Variants in ITGA11 observed in about 807,000 individuals in gnomAD.
ITGA11 encodes the protein integrin subunit alpha 11, also known as integrin alpha-11.
In ITGA11, 97 loss-of-function variants were observed where a neutral mutation model predicts 141.9. The observed-to-expected ratio is 0.68, with a 90% confidence interval of 0.58 to 0.81. The LOEUF (loss-of-function observed/expected upper bound fraction) is 0.81, where lower values mean the gene tolerates loss of function less well. ITGA11 is among the 30% of genes least tolerant of loss of function. The probability of loss-of-function intolerance (pLI) is 0.00; values close to 1 mark genes in which losing one functional copy is unlikely to be tolerated. For missense variants in ITGA11, 1,387 were observed against 1,559.2 expected, an observed-to-expected ratio of 0.89 and a Z score of 1.86; for synonymous variants, 658 against 624.6, an observed-to-expected ratio of 1.05 and a Z score of -0.80.
In ITGA11 at chr15:68,306,185, G is replaced by A. The variant is rs1200349553; in HGVS notation, c.3381+1163C>T. ...AGCCTGGGTGACAGAGCAAGACTCCGTCTCAAAAAAAAAAAAAAGGGAGTG... is the reference window on the plus strand; with the variant it reads ...AGCCTGGGTGACAGAGCAAGACTCCATCTCAAAAAAAAAAAAAAGGGAGTG... On this transcript the variant is annotated intron_variant, in intron 28 of 29. Coordinates refer to ENST00000315757, the MANE Select transcript of ITGA11 (RefSeq NM_001004439.2). 2.8e-5 allele frequency among the ~76,000 whole-genome samples: 4 copies of A among 142,486 alleles called. No individual in the cohort carries two copies. The South Asian group carries it at 6.7e-4, about 24-fold the overall frequency. 93.5% of individuals were successfully genotyped at this position (142,486 alleles called of 152,430 possible). A position where few individuals can be genotyped will look rare whatever the true frequency, so the allele number is the denominator to read the frequency against.
rs1304560830 is a variant in ITGA11, at chr15:68,326,531, C to G, written c.2211+123G>C. 9.2e-7 allele frequency: 1 copy of G among 1,086,186 alleles called. No individual in the cohort carries two copies. The highest frequency in any genetic ancestry group is 1.3e-6 in the Non-Finnish European group (1 of 774,382). 67.3% of individuals were successfully genotyped at this position (1,086,186 alleles called of 1,614,324 possible). On this transcript the variant is annotated intron_variant, in intron 17 of 29. Transcript: ENST00000315757. This position sits in a 1 kb window ranked among gnomAD's most constrained non-coding sequence, Gnocchi z 6.8. ...GTGGCCAAGGTCAGGGTACACTGTC[C>G]CTGGCTGGCTTCCTGAGGTCTGCTG...
chr15:68,315,743 CG>C lies in ITGA11; in HGVS notation c.2716-17del, dbSNP rs1306230783. The C allele has an allele frequency of 1.3e-6, 2 of 1,599,338 alleles. No individual in the cohort carries two copies. Among genetic ancestry groups the C allele is most frequent in the Admixed American group, 1.7e-5 (1 of 58,580 alleles). On this transcript the variant is annotated splice_polypyrimidine_tract_variant and intron_variant, in intron 21 of 29. Transcript: ENST00000315757. Reference sequence around the variant, plus strand: ...GGAAAGCCACCTGCAAGGAAGCAGTCGCATGTCTGGGCATTGCTGGGACCAG... The same window carrying C: ...GGAAAGCCACCTGCAAGGAAGCAGTCCATGTCTGGGCATTGCTGGGACCAG...
At position 68,308,384 on chromosome 15, in the gene ITGA11, A is replaced by C. The variant is rs1033135502; in HGVS notation, c.3175-688T>G. On this transcript the variant is annotated intron_variant, in intron 26 of 29. Transcript: ENST00000315757. The surrounding 1 kb of genome is among the most constrained non-coding windows in gnomAD (Gnocchi z 5.2). ...AACAGTGAAATCACTGATGCTTTATAAAAAGTTGATGGGGATGATATCACA... is the reference window on the plus strand; with the variant it reads ...AACAGTGAAATCACTGATGCTTTATCAAAAGTTGATGGGGATGATATCACA... Among the ~76,000 whole-genome samples the C allele has an allele frequency of 2.0e-5, 3 of 152,216 alleles. No individual in the cohort carries two copies. The highest frequency in any genetic ancestry group is 7.2e-5 in the African/African-American group (3 of 41,450).
Position 68,327,989 on chromosome 15 carries a change from C to A in ITGA11, c.2068+107G>T, listed in dbSNP as rs949109867. The A allele has an allele frequency of 7.8e-6, 9 of 1,148,960 alleles. No individual in the cohort carries two copies. In the African/African-American group the frequency reaches 1.4e-4, roughly 18 times the overall value. 71.2% of individuals were successfully genotyped at this position (1,148,960 alleles called of 1,614,324 possible). On this transcript the variant is annotated intron_variant, in intron 16 of 29. Coordinates refer to ENST00000315757, the MANE Select transcript of ITGA11 (RefSeq NM_001004439.2). The stretch of plus-strand genomic sequence containing the variant: ...GTCATCCAAGGTGGCTCTTGGGCGA[C>A]CTGGCACTTAGCACCCATTTTGGGA...
Position 68,324,187 on chromosome 15 carries a change from G to A in ITGA11, c.2322+944C>T, listed in dbSNP as rs932907791. Among the ~76,000 whole-genome samples the A allele has an allele frequency of 3.3e-5, 5 of 152,088 alleles. No individual in the cohort carries two copies. The highest frequency in any genetic ancestry group is 9.7e-5 in the African/African-American group (4 of 41,414). ...TTGGCAGGGGACTGTGGGAGGCCTGGGGAGAGGGGTGTGGAGGGGCTGTGG... is the reference window on the plus strand; with the variant it reads ...TTGGCAGGGGACTGTGGGAGGCCTGAGGAGAGGGGTGTGGAGGGGCTGTGG... On this transcript the variant is annotated intron_variant, in intron 18 of 29. Coordinates refer to ENST00000315757, the MANE Select transcript of ITGA11 (RefSeq NM_001004439.2). The surrounding 1 kb of genome is among the most constrained non-coding windows in gnomAD (Gnocchi z 6.3).
At chr15:68,424,625 C>T (rs927799734) in intron 1 of ITGA11, among the ~76,000 whole-genome samples, 1 of 152,184 alleles carries the variant, frequency 6.6e-6, no homozygotes, top group Non-Finnish European at 1.5e-5. Context: ...TAGTGCTGAC[C>T]CTCTACAATT....
At chr15:68,400,613 A>G (rs536735474) in intron 2 of ITGA11, among the ~76,000 whole-genome samples, 29 of 95,638 alleles carry the variant, frequency 3.0e-4, no homozygotes, top group African/African-American at 1.1e-3. Context: ...ATAATATATA[A>G]TATATATTAT....
rs531850573 is a variant in ITGA11, at chr15:68,312,642, C to G, written c.2973+131G>C. 2.3e-4 allele frequency: 150 copies of G among 653,622 alleles called. No homozygotes were observed. The African/African-American group carries it at 2.5e-3, about 11-fold the overall frequency. The allele number at this position is 653,622 out of a possible 1,614,324, so 40.5% of individuals were successfully genotyped here. On this transcript the variant is annotated intron_variant, in intron 24 of 29. Coordinates refer to ENST00000315757, the MANE Select transcript of ITGA11 (RefSeq NM_001004439.2). ...AGAGGAGAAGTGACTTGACTAAAGTCGCACAGTGGGTGGGTGGCAGGGTTG... is the reference window on the plus strand; with the variant it reads ...AGAGGAGAAGTGACTTGACTAAAGTGGCACAGTGGGTGGGTGGCAGGGTTG...
chr15:68,362,036 G>A, intron 4 of ITGA11: 1 of 252,386 alleles, frequency 4.0e-6, no homozygotes, highest in South Asian at 5.0e-5. Context: ...TACGGGATCT[G>A]GGGAAGCCTT....
Position 68,326,700 on chromosome 15 carries a change from A to G in ITGA11, c.2165T>C (p.Leu722Pro). ...CTCACAGAGCTCCTGGCCGGAGGAG[A>G]GCAGTACGGCTCTGTTGGTGAATCG... ...GDRFTNRAVL[L>P]SSGQELCERI... Residue 722 changes from leucine to proline, a missense_variant, in exon 17 of 30, where the codon CTC becomes CCC. Transcript: ENST00000315757. This position sits in a 1 kb window ranked among gnomAD's most constrained non-coding sequence, Gnocchi z 6.8. 1 of 1,588,330 alleles carries G rather than the reference A, an allele frequency of 6.3e-7. No individual in the cohort carries two copies.
chr15:68,404,559 A>G (rs1252159009), intron 1 of ITGA11, among the ~76,000 whole-genome samples: 1 of 152,160 alleles, frequency 6.6e-6, no homozygotes, highest in Non-Finnish European at 1.5e-5. Flanking sequence ...ATTTGCTGTC[A>G]CAGGACCTTG....
At chr15:68,339,264 TC>T (rs754590306) in intron 11 of ITGA11, among the ~76,000 whole-genome samples, 24 of 152,268 alleles carry the variant, frequency 1.6e-4, no homozygotes, top group South Asian at 4.1e-4. Context: ...GAACTGCTTG[TC>T]CTTTATTCTA....
At chr15:68,316,032 C>G (rs1267143365) in intron 21 of ITGA11, among the ~76,000 whole-genome samples, 2 of 152,256 alleles carry the variant, frequency 1.3e-5, no homozygotes, top group Non-Finnish European at 2.9e-5. Flanking sequence ...CAGAAAGCAG[C>G]AAGTCCAGCT....
intron 24 of ITGA11, among the ~76,000 whole-genome samples, chr15:68,311,723 G>T (rs1893393848): frequency 6.6e-6 from 1 of 152,222 alleles, no homozygotes; most frequent in South Asian, 2.1e-4. Context: ...TGGGGATTTT[G>T]TTGAGGCCAG....
chr15:68,330,781 G>T (rs148548861), intron 15 of ITGA11, among the ~76,000 whole-genome samples, 200 bp downstream of exon 15: 7 of 152,262 alleles, frequency 4.6e-5, no homozygotes, highest in African/African-American at 1.7e-4. Context: ...GGGGCTTTTG[G>T]ACAGGACTTC....
At chr15:68,314,542 G>A (rs888455264) in intron 22 of ITGA11, among the ~76,000 whole-genome samples, 10 of 152,206 alleles carry the variant, frequency 6.6e-5, no homozygotes, top group Non-Finnish European at 1.0e-4. Context: ...CAGGATAGGG[G>A]TTTGGTTAGA....
chr15:68,317,615 C>G (rs554718123), intron 20 of ITGA11, among the ~76,000 whole-genome samples: 14 of 152,058 alleles, frequency 9.2e-5, no homozygotes, highest in African/African-American at 2.9e-4. Context: ...GGGAGGATGG[C>G]GGGGGCTCAT....
At chr15:68,320,163 G>A (rs1291685567) in intron 20 of ITGA11, 22 bp downstream of exon 20, 1 of 1,609,176 alleles carries the variant, frequency 6.2e-7, no homozygotes, top group South Asian at 1.1e-5. Context: ...GAGGCAGTCT[G>A]GGCAGGTCGC....
intron 12 of ITGA11, among the ~76,000 whole-genome samples, chr15:68,334,267 C>T (rs1894273260): frequency 6.6e-6 from 1 of 152,218 alleles, no homozygotes; most frequent in Non-Finnish European, 1.5e-5. Context: ...TGGACAAGCC[C>T]TGTGTGGGAT....
Sources: allele counts gnomAD v4.1 joint callset (sites outside exome capture counted in the v4.1 genomes callset), GRCh38; gene constraint gnomAD v4.1.1; non-coding constraint Gnocchi (gnomAD v3.1); transcripts MANE v1.5; gene names NCBI Gene and HGNC (gene_info 2026-07-23, HGNC 2026-07-21).